CSMD3: variants seen among roughly 807,000 people sequenced by gnomAD.
The protein encoded by CSMD3 is CUB and Sushi multiple domains 3, also known as CUB and sushi domain-containing protein 3.
A neutral mutation model predicts 435.2 loss-of-function variants in CSMD3; 177 were observed. The observed-to-expected ratio is 0.41, with a 90% CI of 0.36 to 0.46. The LOEUF is 0.46. CSMD3 is among the 20% of genes least tolerant of loss of function. The pLI, the probability that CSMD3 is intolerant of heterozygous loss-of-function variation, is 0.34. For synonymous variants in CSMD3, 1,656 were observed against 1,520.5 expected (o/e 1.09, Z -2.07); for missense variants, 4,265 against 4,504.6 (o/e 0.95, Z 1.52).
chr8:112,698,061 T>G (rs1010665024), intron 13 of CSMD3, among the ~76,000 whole-genome samples: 9 of 151,944 alleles, frequency 5.9e-5, no homozygotes, highest in African/African-American at 2.2e-4. Context: ...GATATTAGGG[T>G]CAAGTACGTG....
intron 3 of CSMD3, among the ~76,000 whole-genome samples, chr8:113,237,692 C>T (rs1490048111): frequency 6.6e-6 from 1 of 152,162 alleles, no homozygotes; most frequent in Non-Finnish European, 1.5e-5. Context: ...AGTCTTTAAT[C>T]TGCTAGTTTG....
At chr8:113,173,664 C>T (rs2131889091) in intron 4 of CSMD3, 58 bp downstream of exon 4, 1 of 1,377,620 alleles carries the variant, frequency 7.3e-7, no homozygotes. Context: ...GCACCAAACA[C>T]ATTTTTCAAA....
intron 32 of CSMD3, among the ~76,000 whole-genome samples, chr8:112,418,534 T>C (rs1388862728): frequency 6.6e-6 from 1 of 152,152 alleles, no homozygotes; most frequent in Non-Finnish European, 1.5e-5. Context: ...TTGTATATCA[T>C]GATTTTAAAG....
chr8:113,066,123 GAAAAAGAAAAAAAAA>G (rs2088846775), intron 5 of CSMD3, among the ~76,000 whole-genome samples: 1 of 45,510 alleles, frequency 2.2e-5, no homozygotes, highest in African/African-American at 9.1e-5. Flanking sequence ...AAAGACCCAA[GAAAAAGAAAAAAAAA>G]AAAAAGAAAG....
At chr8:113,286,367 T>G (rs986874361) in intron 2 of CSMD3, among the ~76,000 whole-genome samples, 3 of 152,170 alleles carry the variant, frequency 2.0e-5, no homozygotes, top group Admixed American at 6.5e-5. Context: ...ATATGAAAAG[T>G]ACTAAAGTAA....
At chr8:113,103,630 T>G (rs1222773951) in intron 4 of CSMD3, among the ~76,000 whole-genome samples, 1 of 152,198 alleles carries the variant, frequency 6.6e-6, no homozygotes, top group Admixed American at 6.6e-5. Flanking sequence ...AATTAAAAAC[T>G]ATGGCTGTTA....
intron 5 of CSMD3, among the ~76,000 whole-genome samples, chr8:113,069,819 ATGACTGTCT>A (rs2131398274): frequency 6.6e-6 from 1 of 152,220 alleles, no homozygotes; most frequent in South Asian, 2.1e-4. Context: ...AAGCCCCTTT[ATGACTGTCT>A]TGCTGTATCC....
At chr8:112,815,620 A>T (rs2079352247) in intron 12 of CSMD3, among the ~76,000 whole-genome samples, 1 of 152,158 alleles carries the variant, frequency 6.6e-6, no homozygotes, top group Non-Finnish European at 1.5e-5. Context: ...CTACAGTGCA[A>T]ATATTCCTGA....
intron 45 of CSMD3, among the ~76,000 whole-genome samples, chr8:112,324,885 C>T (rs1054284829): frequency 2.6e-5 from 4 of 152,008 alleles, no homozygotes; most frequent in Non-Finnish European, 5.9e-5. Flanking sequence ...GTCTATATTG[C>T]AGTGGGTGTT....
At chr8:112,469,467 G>A (rs571038177) in intron 32 of CSMD3, among the ~76,000 whole-genome samples, 53 of 147,080 alleles carry the variant, frequency 3.6e-4, no homozygotes, top group African/African-American at 1.4e-3. Context: ...TTTGACAGAC[G>A]TGCTAAATCA....
At chr8:112,974,058 A>AT (rs1236162704) in intron 7 of CSMD3, among the ~76,000 whole-genome samples, 1 of 151,968 alleles carries the variant, frequency 6.6e-6, no homozygotes, top group African/African-American at 2.4e-5. Context: ...TAAAACAGGT[A>AT]TCAATCTCTC....
intron 10 of CSMD3, among the ~76,000 whole-genome samples, chr8:112,916,906 TAA>T (rs1355790000): frequency 2.0e-5 from 3 of 151,934 alleles, no homozygotes; most frequent in Non-Finnish European, 4.4e-5. Flanking sequence ...GAATAATATA[TAA>T]GAGGGAATTT....
chr8:112,631,454 A>C (rs2074512431), intron 22 of CSMD3, among the ~76,000 whole-genome samples: 1 of 152,072 alleles, frequency 6.6e-6, no homozygotes, highest in Non-Finnish European at 1.5e-5. Context: ...ATTGTGCATC[A>C]ATAAATAAGG....
intron 13 of CSMD3, among the ~76,000 whole-genome samples, chr8:112,734,803 A>T (rs1356423631): frequency 2.0e-5 from 3 of 151,986 alleles, no homozygotes; most frequent in African/African-American, 7.2e-5. Flanking sequence ...ATAGGTGTCA[A>T]GTGATATGAA....
At chr8:113,177,616 C>T (rs1437179843) in intron 3 of CSMD3, among the ~76,000 whole-genome samples, 1 of 151,886 alleles carries the variant, frequency 6.6e-6, no homozygotes, top group Non-Finnish European at 1.5e-5. Flanking sequence ...CTTGGTTGAG[C>T]ACTTAGAGCG....
intron 22 of CSMD3, among the ~76,000 whole-genome samples, chr8:112,590,626 C>G (rs1421427063): frequency 2.0e-5 from 3 of 151,990 alleles, no homozygotes; most frequent in Non-Finnish European, 4.4e-5. Context: ...GTGTGAGCTG[C>G]TTGTTCTTGT....
intron 30 of CSMD3, among the ~76,000 whole-genome samples, chr8:112,493,159 G>C (rs1445214052): frequency 6.6e-6 from 1 of 152,030 alleles, no homozygotes; most frequent in Non-Finnish European, 1.5e-5. Context: ...AATTGCTAAT[G>C]CATATTTATT....
intron 1 of CSMD3, among the ~76,000 whole-genome samples, chr8:113,341,571 G>C (rs926938473): frequency 6.6e-6 from 1 of 152,018 alleles, no homozygotes; most frequent in Non-Finnish European, 1.5e-5. Context: ...TAAACAAGTA[G>C]TTTATAAATA....
At position 112,281,359 on chromosome 8, in the gene CSMD3, C is replaced by A. The variant is rs776523235; in HGVS notation, c.9332-9G>T. The A allele has an allele frequency of 7.0e-5, 112 of 1,609,836 alleles. No individual in the cohort carries two copies. The highest frequency in any genetic ancestry group is 9.4e-5 in the Non-Finnish European group (111 of 1,176,606). ...GTTACCACACTGCACAGCTATAAAA[C>A]AAAGTGTTTAAGAGTATATATAAAA... On this transcript the variant is annotated splice_polypyrimidine_tract_variant and intron_variant, in intron 58 of 70. Transcript: ENST00000297405.
Sources: allele counts gnomAD v4.1 joint callset (sites outside exome capture counted in the v4.1 genomes callset), GRCh38; gene constraint gnomAD v4.1.1; transcripts MANE v1.5; gene names NCBI Gene and HGNC (gene_info 2026-07-23, HGNC 2026-07-21).